The following GJC1 variants were observed in gnomAD, a reference collection of about 807,000 sequenced individuals.
GJC1 encodes the protein gap junction protein gamma 1, also known as gap junction gamma-1 protein.
A neutral mutation model predicts 29.3 loss-of-function variants in GJC1; 5 were observed. The observed-to-expected ratio is 0.17, with a 90% confidence interval of 0.09 to 0.36. The LOEUF (loss-of-function observed/expected upper bound fraction) is 0.36, where lower values mean the gene tolerates loss of function less well. Among genes scored for constraint, GJC1 ranks in the 10% least tolerant of loss-of-function variants. The pLI is 1.00. For missense variants in GJC1, 310 were observed against 496.2 expected (o/e 0.62, Z 3.56); for synonymous variants, 177 against 183.3 (o/e 0.97, Z 0.28).
At position 44,811,169 on chromosome 17, in the gene GJC1, C is replaced by T. The variant is rs113454253; in HGVS notation, c.-96-3700G>A. Among the ~76,000 whole-genome samples, 555 of 152,194 alleles carry T rather than the reference C, an allele frequency of 3.6e-3. 4 individuals carry two copies. Among genetic ancestry groups the T allele is most frequent in the African/African-American group, 0.013 (528 of 41,518 alleles). On this transcript the variant is annotated intron_variant, in intron 1 of 2. Coordinates refer to ENST00000592524, the MANE Select transcript of GJC1 (RefSeq NM_005497.4). The stretch of plus-strand genomic sequence containing the variant: ...CGATCTCAGCTCACTGCAACCTCCG[C>T]CTCCTGGGTTCAAGCGATTCTCCTG...
chr17:44,811,167 C>T (rs1466850369), intron 1 of GJC1, among the ~76,000 whole-genome samples: 2 of 151,988 alleles, frequency 1.3e-5, no homozygotes. Flanking sequence ...CTGCAACCTC[C>T]GCCTCCTGGG....
downstream of GJC1, among the ~76,000 whole-genome samples, chr17:44,796,187 G>C (rs762442424): frequency 6.6e-6 from 1 of 152,238 alleles, no homozygotes; most frequent in Non-Finnish European, 1.5e-5. Context: ...ACCTAGGTCC[G>C]TGGGGGTGGA....
At chr17:44,819,137 C>T (rs1416629649) in intron 1 of GJC1, among the ~76,000 whole-genome samples, 3 of 152,060 alleles carry the variant, frequency 2.0e-5, no homozygotes, top group South Asian at 4.2e-4. Flanking sequence ...ATCACCACTA[C>T]CTCCAGAATT....
intron 1 of GJC1, among the ~76,000 whole-genome samples, chr17:44,816,112 CAAAAAAAAAAAAAA>C (rs34938283): frequency 4.2e-5 from 2 of 47,442 alleles, no homozygotes; most frequent in Non-Finnish European, 6.9e-5. Context: ...CACTCCGTCT[CAAAAAAAAAAAAAA>C]AAAAAAAAAA....
At chr17:44,817,944 G>A (rs1032718361) in intron 1 of GJC1, among the ~76,000 whole-genome samples, 1 of 152,098 alleles carries the variant, frequency 6.6e-6, no homozygotes, top group African/African-American at 2.4e-5. Context: ...CAGGCGCGGT[G>A]GCTCATGCCT....
intron 1 of GJC1, among the ~76,000 whole-genome samples, chr17:44,824,120 G>A (rs1375008249): frequency 6.6e-6 from 1 of 152,040 alleles, no homozygotes; most frequent in Non-Finnish European, 1.5e-5. Flanking sequence ...CGATTCCCCT[G>A]CCTCAGCCTC....
rs1342728446 is a variant in GJC1, at chr17:44,802,675, A to T, written c.*1952T>A. 2 of 152,154 alleles carry T rather than the reference A, an allele frequency of 1.3e-5. No individual in the cohort carries two copies. The highest frequency in any genetic ancestry group is 3.8e-4 in the East Asian group (2 of 5,200). 9.4% of individuals were successfully genotyped at this position (152,154 alleles called of 1,614,324 possible). A position where few individuals can be genotyped will look rare whatever the true frequency, so the allele number is the denominator to read the frequency against. On this transcript the variant is annotated 3_prime_UTR_variant, in exon 3 of 3. Transcript: ENST00000592524. Reference sequence around the variant, plus strand: ...ATTTTTTTTTAAAAAAGCAAATAAAAGTAAATGAATGGCTAAAAGATAAGG... The same window carrying T: ...ATTTTTTTTTAAAAAAGCAAATAAATGTAAATGAATGGCTAAAAGATAAGG...
At chr17:44,812,686 C>T (rs1567710470) in intron 1 of GJC1, among the ~76,000 whole-genome samples, 1 of 151,674 alleles carries the variant, frequency 6.6e-6, no homozygotes, top group South Asian at 2.1e-4. Context: ...GTCTCACTGT[C>T]GCCCAGGCTG....
intron 1 of GJC1, chr17:44,829,653 GC>G (rs1242301045): frequency 6.6e-6 from 1 of 152,016 alleles, no homozygotes; most frequent in Non-Finnish European, 1.5e-5. Flanking sequence ...GCGAGGGGCG[GC>G]CCGGCTCCGC....
Position 44,801,100 on chromosome 17 carries a change from G to C in GJC1, c.*3527C>G, listed in dbSNP as rs2049839411. 1 of 152,058 alleles carries C rather than the reference G, an allele frequency of 6.6e-6. No homozygotes were observed. The highest frequency in any genetic ancestry group is 2.1e-4 in the South Asian group (1 of 4,822). 9.4% of individuals were successfully genotyped at this position (152,058 alleles called of 1,614,324 possible). On this transcript the variant is annotated 3_prime_UTR_variant, in exon 3 of 3. Coordinates refer to ENST00000592524, the MANE Select transcript of GJC1 (RefSeq NM_005497.4). ...ACCAGCCTGCCAGCCTGGCCAACAT[G>C]ATGAAGCCCTGTCTATATTAAAAAT... is the stretch of plus-strand genomic sequence containing the variant.
At chr17:44,813,384 A>G (rs1017709327) in intron 1 of GJC1, 2 of 151,746 alleles carry the variant, frequency 1.3e-5, no homozygotes, top group African/African-American at 2.4e-5. Context: ...ATAAAGAACC[A>G]TGAGTTTCCT....
chr17:44,822,599 T>C (rs1160465596), intron 1 of GJC1, among the ~76,000 whole-genome samples: 7 of 129,358 alleles, frequency 5.4e-5, no homozygotes, highest in Non-Finnish European at 9.2e-5. Context: ...ACCAAGATCA[T>C]GCCATTGCAC....
At chr17:44,829,523 C>G (rs1005778239) in intron 1 of GJC1, 3 of 152,238 alleles carry the variant, frequency 2.0e-5, no homozygotes, top group Non-Finnish European at 2.9e-5. Context: ...CTCCTCTAAC[C>G]CCCGGGAGGC....
rs2049822073 is a variant in GJC1, at chr17:44,799,883, C to T, written c.*4744G>A. 6.6e-6 allele frequency: 1 copy of T among 152,218 alleles called. No homozygotes were observed. The highest frequency in any genetic ancestry group is 2.1e-4 in the South Asian group (1 of 4,826). 9.4% of individuals were successfully genotyped at this position (152,218 alleles called of 1,614,324 possible). A position where few individuals can be genotyped will look rare whatever the true frequency, so the allele number is the denominator to read the frequency against. ...GTAGTGAGTTGAGATTGTGCCATTG[C>T]ACTCTAGCCTGGGCTCAAAACAAAC... On this transcript the variant is annotated 3_prime_UTR_variant, in exon 3 of 3. Transcript: ENST00000592524.
Position 44,815,106 on chromosome 17 carries a change from T to C in GJC1, c.-96-7637A>G, listed in dbSNP as rs543321685. ...CTCCATCTACAAATAGAAAATGACA[T>C]GGAAGCACATGTCAAGTGGTGGAGA... On this transcript the variant is annotated intron_variant, in intron 1 of 2. Transcript: ENST00000592524. Among the ~76,000 whole-genome samples, 15 of 152,274 alleles carry C rather than the reference T, an allele frequency of 9.9e-5. No individual in the cohort carries two copies. In the East Asian group the frequency reaches 2.7e-3, roughly 27 times the overall value.
rs79427172 is a variant in GJC1, at chr17:44,829,050, T to C, written c.-97+1012A>G. 4.7e-4 allele frequency among the ~76,000 whole-genome samples: 71 copies of C among 151,204 alleles called. 2 individuals carry two copies. In the East Asian group the frequency reaches 0.01, roughly 22 times the overall value. On this transcript the variant is annotated intron_variant, in intron 1 of 2. Coordinates refer to ENST00000592524, the MANE Select transcript of GJC1 (RefSeq NM_005497.4). ...ATAACAAATTTAGACTTATCAGGCATACAAGATGACCCTCAGCCTGAACTT... is the reference window on the plus strand; with the variant it reads ...ATAACAAATTTAGACTTATCAGGCACACAAGATGACCCTCAGCCTGAACTT...
At chr17:44,810,826 T>C (rs2049971460) in intron 1 of GJC1, among the ~76,000 whole-genome samples, 1 of 151,980 alleles carries the variant, frequency 6.6e-6, no homozygotes, top group Non-Finnish European at 1.5e-5. Flanking sequence ...CACACTGGAG[T>C]GCAGTGGTGC....
At chr17:44,811,248 A>G (rs1023516298) in intron 1 of GJC1, among the ~76,000 whole-genome samples, 1 of 151,330 alleles carries the variant, frequency 6.6e-6, no homozygotes, top group African/African-American at 2.4e-5. Flanking sequence ...CACCCAGCTA[A>G]TTTTGTATTT....
intron 1 of GJC1, among the ~76,000 whole-genome samples, chr17:44,822,748 G>T (rs1354211044): frequency 1.3e-5 from 2 of 151,108 alleles, no homozygotes; most frequent in Non-Finnish European, 2.9e-5. Flanking sequence ...GGGCCAAGAT[G>T]AAGAGCTCAC....
Sources: allele counts gnomAD v4.1 joint callset (sites outside exome capture counted in the v4.1 genomes callset), GRCh38; gene constraint gnomAD v4.1.1; transcripts MANE v1.5; gene names NCBI Gene and HGNC (gene_info 2026-07-23, HGNC 2026-07-21).